Variants in PKHD1L1 observed in about 807,000 individuals in gnomAD.
PKHD1L1 encodes fibrocystin-L.
Under a neutral mutation model 462.9 loss-of-function variants are expected in PKHD1L1, and 434 were observed. That is an observed-to-expected ratio of 0.94 (90% CI 0.87 to 1.02). PKHD1L1 has a LOEUF of 1.02. Ranked by LOEUF, PKHD1L1 falls within the 50% of genes least tolerant of loss-of-function variation. The pLI, the probability that PKHD1L1 is intolerant of heterozygous loss-of-function variation, is 0.00. For missense variants in PKHD1L1, 5,202 were observed against 5,096.1 expected (o/e 1.02, Z -0.63); for synonymous variants, 1,781 against 1,750.0 (o/e 1.02, Z -0.44).
intron 38 of PKHD1L1, among the ~76,000 whole-genome samples, chr8:109,446,371 T>C (rs919531748): frequency 7.9e-5 from 12 of 152,174 alleles, no homozygotes; most frequent in African/African-American, 2.9e-4. Context: ...AGCGATGAAA[T>C]TTTGGACAAG....
chr8:109,382,436 C>T (rs1485921118), intron 3 of PKHD1L1, 27 bp from the exon 4 acceptor site: 4 of 1,560,374 alleles, frequency 2.6e-6, no homozygotes, highest in Middle Eastern at 3.4e-4. Flanking sequence ...AATTGCATGT[C>T]TCATATATTC....
intron 71 of PKHD1L1, 49 bp from the exon 72 acceptor site, chr8:109,515,121 A>C: frequency 7.3e-7 from 1 of 1,373,026 alleles, no homozygotes. Context: ...GTGCTAAATT[A>C]CAAATATTCT....
At chr8:109,448,078 A>C in intron 38 of PKHD1L1, 65 bp from the exon 39 acceptor site, 11 of 1,358,284 alleles carry the variant, frequency 8.1e-6, no homozygotes, top group Non-Finnish European at 1.1e-5. Flanking sequence ...AAAGAGGTAT[A>C]TCTTTAAATG....
intron 9 of PKHD1L1, among the ~76,000 whole-genome samples, chr8:109,392,861 TCTCTC>T (rs1344884174): frequency 1.3e-5 from 2 of 152,122 alleles, no homozygotes; most frequent in African/African-American, 4.8e-5. Flanking sequence ...TAGCCAACCT[TCTCTC>T]CTCTATTACC....
chr8:109,479,432 AT>A (rs11438806), intron 53 of PKHD1L1, 118 bp from the exon 54 acceptor site: 15 of 666,058 alleles, frequency 2.3e-5, no homozygotes, highest in Non-Finnish European at 2.5e-5. Context: ...CAAAGCGTGC[AT>A]TTTTTTTCTT....
intron 48 of PKHD1L1, among the ~76,000 whole-genome samples, chr8:109,463,120 A>ATT (rs1817231961): frequency 6.6e-6 from 1 of 152,168 alleles, no homozygotes; most frequent in South Asian, 2.1e-4. Flanking sequence ...TCCCTGGAAC[A>ATT]ATGCATGGCA....
chr8:109,376,492 G>C (rs568409372), intron 2 of PKHD1L1, among the ~76,000 whole-genome samples: 1 of 152,106 alleles, frequency 6.6e-6, no homozygotes, highest in South Asian at 2.1e-4. Flanking sequence ...CTCACAGTGC[G>C]CTGCACCCAC....
chr8:109,414,696 T>A (rs761932602), intron 21 of PKHD1L1, among the ~76,000 whole-genome samples: 2 of 152,084 alleles, frequency 1.3e-5, no homozygotes, highest in Non-Finnish European at 2.9e-5. Flanking sequence ...AACTTTCATG[T>A]GTGGAACAAG....
chr8:109,534,768 A>G lies in PKHD1L1; in HGVS notation c.*4678A>G, dbSNP rs562644750. 7.3e-4 allele frequency among the ~76,000 whole-genome samples: 111 copies of G among 152,350 alleles called. 1 individual carries two copies. Among genetic ancestry groups the G allele is most frequent in the African/African-American group, 2.4e-3 (101 of 41,592 alleles). On this transcript the variant is annotated 3_prime_UTR_variant, in exon 78 of 78. Transcript: ENST00000378402. The stretch of plus-strand genomic sequence containing the variant: ...ATACTTGTGGGCAGTCTAACCAGCT[A>G]CAAACCTCTTGTTGCCGTACTTGCA...
At chr8:109,419,314 A>G in intron 22 of PKHD1L1, 54 bp downstream of exon 22, 1 of 1,393,134 alleles carries the variant, frequency 7.2e-7, no homozygotes. Context: ...AAATCTTACC[A>G]TGGAAATTAT....
intron 72 of PKHD1L1, among the ~76,000 whole-genome samples, chr8:109,515,933 A>G (rs1563630659): frequency 6.6e-6 from 1 of 152,270 alleles, no homozygotes; most frequent in East Asian, 1.9e-4. Context: ...ATTTTCTGAT[A>G]TGATCCATAT....
intron 32 of PKHD1L1, among the ~76,000 whole-genome samples, chr8:109,439,551 T>C (rs913416137): frequency 5.9e-5 from 9 of 151,958 alleles, no homozygotes; most frequent in African/African-American, 2.2e-4. Flanking sequence ...GCAGTAAGAG[T>C]CTATAATAGA....
intron 50 of PKHD1L1, chr8:109,470,591 ATGT>A (rs1487091432): frequency 6.3e-7 from 1 of 1,583,478 alleles, no homozygotes; most frequent in African/African-American, 1.4e-5. Context: ...GAGCCTACTG[ATGT>A]TGTTGATAAA....
At chr8:109,395,131 T>G (rs1030086074) in intron 10 of PKHD1L1, among the ~76,000 whole-genome samples, 9 of 152,228 alleles carry the variant, frequency 5.9e-5, no homozygotes, top group African/African-American at 2.2e-4. Context: ...CTATATGGTT[T>G]CTACCAAATT....
intron 2 of PKHD1L1, among the ~76,000 whole-genome samples, chr8:109,370,926 GGT>G (rs1344070610): frequency 2.6e-5 from 4 of 152,160 alleles, no homozygotes; most frequent in Non-Finnish European, 4.4e-5. Flanking sequence ...CATTTGGGTT[GGT>G]TCCAAGTCTT....
In PKHD1L1 at chr8:109,526,996, G is replaced by A; in HGVS notation, c.12697G>A (p.Val4233Ile). 1 of 1,611,976 alleles carries A rather than the reference G, an allele frequency of 6.2e-7. No homozygotes were observed. Among genetic ancestry groups the A allele is most frequent in the Non-Finnish European group, 8.5e-7 (1 of 1,178,364 alleles). ...GCTCTTGGAAATATTTATGGCTGCA[G>A]TTTCAACTTTGAATATAACTTTAAG... ...MWLLEIFMAA[V>I]STLNITLRSY is the part of the protein sequence containing the mutation. The change falls in exon 77 of 78, where the codon GTT becomes ATT. Residue 4233 changes from valine to isoleucine, a missense_variant. Val to Ile is a conservative substitution (Grantham distance 29). Coordinates refer to ENST00000378402, the MANE Select transcript of PKHD1L1 (RefSeq NM_177531.6).
In PKHD1L1 at chr8:109,406,478, G is replaced by A. The variant is rs767753360; in HGVS notation, c.1813G>A (p.Gly605Arg). 1.1e-5 allele frequency: 17 copies of A among 1,593,586 alleles called. No individual in the cohort carries two copies. The East Asian group carries it at 3.6e-4, about 34-fold the overall frequency. Residue 605 changes from glycine (G) to arginine (R), a missense_variant and splice_region_variant, in exon 17 of 78, where the codon GGA becomes AGA. Around this residue, in one of 3 missense-constraint regions of PKHD1L1, gnomAD observed 4,497 missense variants for 4,336.8 expected, o/e 1.04. Transcript: ENST00000378402. ...CATGGTAACATTCATATCAACTAGA[G>A]GTAAGCATGTACTTAATTTTGTACT... is the stretch of plus-strand genomic sequence containing the variant. The part of the protein sequence containing the change: ...VYMVTFISTR[G>R]DFDLLGYEVV...
At chr8:109,456,166 C>A in intron 45 of PKHD1L1, 96 bp from the exon 46 acceptor site, 1 of 1,315,580 alleles carries the variant, frequency 7.6e-7, no homozygotes, top group African/African-American at 1.5e-5. Context: ...GCCTCTCCAA[C>A]ATTGATTCAA....
chr8:109,436,250 A>C, intron 29 of PKHD1L1, 88 bp from the exon 30 acceptor site: 4 of 1,381,416 alleles, frequency 2.9e-6, no homozygotes, highest in Non-Finnish European at 3.9e-6. Context: ...CTATTCTCAA[A>C]AGACAATTCT....
Sources: gnomAD v4.1 joint callset for allele counts (sites outside exome capture counted in the v4.1 genomes callset) on GRCh38, gnomAD v4.1.1 for gene constraint, gnomAD v4.1.1 regional missense constraint, MANE v1.5 for transcripts, NCBI Gene and HGNC (gene_info 2026-07-23, HGNC 2026-07-21) for gene names.